The following USP5 variants were observed in gnomAD, a reference collection of about 807,000 sequenced individuals.
The protein encoded by USP5 is ubiquitin carboxyl-terminal hydrolase 5.
Under a neutral mutation model 102.5 loss-of-function variants are expected in USP5, and 24 were observed. That is an observed-to-expected ratio of 0.23 (90% confidence interval 0.17 to 0.33). USP5 has a LOEUF of 0.33. USP5 is among the 10% of genes least tolerant of loss of function. The pLI is 1.00. For missense variants in USP5, 753 were observed against 1,122.1 expected, an observed-to-expected ratio of 0.67 and a Z score of 4.70; for synonymous variants, 460 against 434.8, an observed-to-expected ratio of 1.06 and a Z score of -0.72.
rs376152044 is a variant in USP5, at chr12:6,857,726, G to A, written c.864+3G>A. 1.9e-6 allele frequency: 3 copies of A among 1,613,988 alleles called. No homozygotes were observed. In the African/African-American group the frequency reaches 4.0e-5, roughly 22 times the overall value. On this transcript the variant is annotated splice_donor_region_variant and intron_variant, in intron 7 of 19. Transcript: ENST00000229268. ...TCGACATGCTGAAGATGCAGAAGGT[G>A]AGACCCCCTTCAACTTCAGATTCTT...
In USP5 at chr12:6,863,521, C is replaced by T; in HGVS notation, c.1954+144C>T. The T allele has an allele frequency of 9.3e-7, 1 of 1,077,710 alleles. No homozygotes were observed. The highest frequency in any genetic ancestry group is 1.3e-6 in the Non-Finnish European group (1 of 753,950). 66.8% of individuals were successfully genotyped at this position (1,077,710 alleles called of 1,614,324 possible). A position where few individuals can be genotyped will look rare whatever the true frequency, so the allele number is the denominator to read the frequency against. On this transcript the variant is annotated intron_variant, in intron 15 of 19. Transcript: ENST00000229268. This position sits in a 1 kb window ranked among gnomAD's most constrained non-coding sequence, Gnocchi z 4.7. Reference sequence around the variant, plus strand: ...CTCTTTGATTGACATGGGGCCTCCCCAGCGCACTCCTAGCCACCTTCTGGG... The same window carrying T: ...CTCTTTGATTGACATGGGGCCTCCCTAGCGCACTCCTAGCCACCTTCTGGG...
intron 19 of USP5, 22 bp downstream of exon 19, chr12:6,865,270 T>G (rs1467963462): frequency 6.2e-7 from 1 of 1,603,738 alleles, no homozygotes; most frequent in African/African-American, 1.3e-5. Context: ...CCACATGCGT[T>G]TTGAATGGAG....
At chr12:6,854,189 G>A (rs1944039473) in intron 1 of USP5, among the ~76,000 whole-genome samples, 1 of 152,238 alleles carries the variant, frequency 6.6e-6, no homozygotes, top group South Asian at 2.1e-4. Flanking sequence ...ATCTCAGCAA[G>A]TGTTGCGAGA....
chr12:6,863,267 C>T lies in USP5; in HGVS notation c.1844C>T (p.Pro615Leu). ...TGLQPGEEEL[P>L]DIAPPLVTPD... is the part of the protein sequence containing the mutation. Reference sequence around the variant, plus strand: ...CTGCAGCCCGGAGAGGAGGAGCTGCCAGACATTGCCCCACCCCTGGTCACT... The same window carrying T: ...CTGCAGCCCGGAGAGGAGGAGCTGCTAGACATTGCCCCACCCCTGGTCACT... Residue 615 changes from proline (P) to leucine (L), a missense_variant, in exon 15 of 20, where the codon CCA (proline) becomes CTA (leucine). Physicochemically the swap from Pro to Leu is moderately conservative, Grantham distance 98. This residue lies in a region of USP5 where 527 missense variants were observed against 816.5 expected (regional missense o/e 0.65). Coordinates refer to ENST00000229268, the MANE Select transcript of USP5 (RefSeq NM_001098536.2). The surrounding 1 kb of genome is among the most constrained non-coding windows in gnomAD (Gnocchi z 4.7). The T allele has an allele frequency of 6.2e-7, 1 of 1,614,172 alleles. No homozygotes were observed. The highest frequency in any genetic ancestry group is 8.5e-7 in the Non-Finnish European group (1 of 1,180,030).
Position 6,861,128 on chromosome 12 carries a change from G to T in USP5, c.1498+22G>T. ...AAAGGTAGGCTGCTCCATCAGCAAG[G>T]CCGTGGCACGGTGGGAGGCTAAGGT... On this transcript the variant is annotated intron_variant, in intron 12 of 19. Transcript: ENST00000229268. This position sits in a 1 kb window ranked among gnomAD's most constrained non-coding sequence, Gnocchi z 4.9. The T allele has an allele frequency of 6.2e-7, 1 of 1,613,224 alleles. No homozygotes were observed. Among genetic ancestry groups the T allele is most frequent in the Non-Finnish European group, 8.5e-7 (1 of 1,179,492 alleles).
chr12:6,854,268 G>A lies in USP5; in HGVS notation c.112-1133G>A, dbSNP rs1242281611. Among the ~76,000 whole-genome samples, 5 of 152,270 alleles carry A rather than the reference G, an allele frequency of 3.3e-5. 1 individual carries two copies. The Middle Eastern group carries it at 0.01, about 311-fold the overall frequency. On this transcript the variant is annotated intron_variant, in intron 1 of 19. Transcript: ENST00000229268. ...GACTTCAGCAGGGATCTTATTGGTC[G>A]GAGGGGAGGCAGAGGAGAGAGGGTG...
Position 6,855,370 on chromosome 12 carries a change from C to A in USP5, c.112-31C>A. ...ACCTGACCAGGCTTCATAACATCCT[C>A]GTGTTTTCACCCTTACCTCTTGTCC... On this transcript the variant is annotated intron_variant, in intron 1 of 19. Transcript: ENST00000229268. This position sits in a 1 kb window ranked among gnomAD's most constrained non-coding sequence, Gnocchi z 4.6. 1 of 1,610,840 alleles carries A rather than the reference C, an allele frequency of 6.2e-7. No homozygotes were observed. Among genetic ancestry groups the A allele is most frequent in the Non-Finnish European group, 8.5e-7 (1 of 1,178,858 alleles).
In USP5 at chr12:6,853,360, G is replaced by T. The variant is rs144155137; in HGVS notation, c.111+1070G>T. On this transcript the variant is annotated intron_variant, in intron 1 of 19. Coordinates refer to ENST00000229268, the MANE Select transcript of USP5 (RefSeq NM_001098536.2). ...CAGTTCAGGATCATCACTGTGATTT[G>T]TGGTTTGCTTGGTTTGCTAGGCTTT... Among the ~76,000 whole-genome samples the T allele has an allele frequency of 5.1e-3, 783 of 152,384 alleles. 7 individuals are homozygous for T. Among genetic ancestry groups the T allele is most frequent in the African/African-American group, 0.018 (741 of 41,594 alleles).
intron 8 of USP5, 124 bp from the exon 9 acceptor site, chr12:6,859,346 C>T: frequency 1.1e-6 from 1 of 909,576 alleles, no homozygotes; most frequent in Non-Finnish European, 1.7e-6. Flanking sequence ...CTCCAAGGTT[C>T]ACCCACAGCA....
chr12:6,860,056 G>T lies in USP5; in HGVS notation c.1131-95G>T. ...TCTAAGGTTTTTCACGTTGTTGAGA[G>T]TTAGCTAGGGAGAGCCACGAGCAGG... On this transcript the variant is annotated intron_variant, in intron 9 of 19. Transcript: ENST00000229268. This position sits in a 1 kb window ranked among gnomAD's most constrained non-coding sequence, Gnocchi z 5.5. 1 of 1,362,658 alleles carries T rather than the reference G, an allele frequency of 7.3e-7. No individual in the cohort carries two copies. Among genetic ancestry groups the T allele is most frequent in the Non-Finnish European group, 1.0e-6 (1 of 975,322 alleles). 84.4% of individuals were successfully genotyped at this position (1,362,658 alleles called of 1,614,324 possible).
chr12:6,864,974 G>T lies in USP5; in HGVS notation c.2398+99G>T. Reference sequence around the variant, plus strand: ...CAGCTCTGCCCTCCTCAGGAGTCAGGGGCTTCTTTCCACCTCAACGTGGCA... The same window carrying T: ...CAGCTCTGCCCTCCTCAGGAGTCAGTGGCTTCTTTCCACCTCAACGTGGCA... On this transcript the variant is annotated intron_variant, in intron 18 of 19. Transcript: ENST00000229268. This position sits in a 1 kb window ranked among gnomAD's most constrained non-coding sequence, Gnocchi z 4.8. The T allele has an allele frequency of 6.7e-7, 1 of 1,498,072 alleles. No individual in the cohort carries two copies. The allele number at this position is 1,498,072 out of a possible 1,614,324, so 92.8% of individuals were successfully genotyped here.
At position 6,856,481 on chromosome 12, in the gene USP5, AC is replaced by A; in HGVS notation, c.584+36del. 1.3e-6 allele frequency: 2 copies of A among 1,585,544 alleles called. No homozygotes were observed. The highest frequency in any genetic ancestry group is 3.5e-5 in the Admixed American group (2 of 57,414). Reference sequence around the variant, plus strand: ...GCCTGGCCCCTCTGCCTCGGGCACCACCCCCAGAGCAAGGACAAGGAGCCCA... The same window carrying A: ...GCCTGGCCCCTCTGCCTCGGGCACCACCCCAGAGCAAGGACAAGGAGCCCA... On this transcript the variant is annotated intron_variant, in intron 5 of 19. Coordinates refer to ENST00000229268, the MANE Select transcript of USP5 (RefSeq NM_001098536.2). The surrounding 1 kb of genome is among the most constrained non-coding windows in gnomAD (Gnocchi z 5.6).
Position 6,861,428 on chromosome 12 carries a change from C to A in USP5, c.1499-15C>A. ...AGCACCCTCCGAAGGATCCACCAAC[C>A]CATTCTGTCACCAGAGGAGCTTCTG... On this transcript the variant is annotated splice_polypyrimidine_tract_variant and intron_variant, in intron 12 of 19. Transcript: ENST00000229268. This position sits in a 1 kb window ranked among gnomAD's most constrained non-coding sequence, Gnocchi z 4.9. The A allele has an allele frequency of 1.3e-6, 2 of 1,553,892 alleles. No individual in the cohort carries two copies. Among genetic ancestry groups the A allele is most frequent in the South Asian group, 1.2e-5 (1 of 84,338 alleles).
chr12:6,865,207 C>T lies in USP5; in HGVS notation c.2442C>T (p.Thr814=), dbSNP rs1555130551. The T allele has an allele frequency of 1.9e-6, 3 of 1,613,900 alleles. No individual in the cohort carries two copies. Among genetic ancestry groups the T allele is most frequent in the Non-Finnish European group, 2.5e-6 (3 of 1,179,900 alleles). Residue 814 remains threonine, a synonymous_variant, in exon 19 of 20, where the codon ACC becomes ACT. Coordinates refer to ENST00000229268, the MANE Select transcript of USP5 (RefSeq NM_001098536.2). ...TCATTAGTCACATGGGCACCTCTAC[C>T]ATGTGTGGTCACTACGTCTGCCACA... ...FAFISHMGTS[T]MCGHYVCHIK...
Position 6,858,644 on chromosome 12 carries a change from G to T in USP5, c.1058+27G>T. ...TGAGTAGTGCCCTCTCCTTCCCCAG[G>T]CCCCCTCCTGGTCAGCACCCTCTGG... On this transcript the variant is annotated intron_variant, in intron 8 of 19. Transcript: ENST00000229268. The surrounding 1 kb of genome is among the most constrained non-coding windows in gnomAD (Gnocchi z 4.2). The T allele has an allele frequency of 6.3e-7, 1 of 1,583,100 alleles. No homozygotes were observed.
Position 6,862,478 on chromosome 12 carries a change from G to T in USP5, c.1682G>T (p.Arg561Leu). The T allele has an allele frequency of 1.2e-6, 2 of 1,614,022 alleles. No individual in the cohort carries two copies. The highest frequency in any genetic ancestry group is 1.7e-6 in the Non-Finnish European group (2 of 1,179,930). ...CAGTCTCTCTTCCCTAGGACCACACGATTTGCCTCATTCCCTGACTACCTG... is the reference window on the plus strand; with the variant it reads ...CAGTCTCTCTTCCCTAGGACCACACTATTTGCCTCATTCCCTGACTACCTG... ...QAKSVAVKTT[R>L]FASFPDYLVI... is the part of the protein sequence containing the mutation. Residue 561 changes from arginine (R) to leucine (L), a missense_variant, in exon 14 of 20, where the codon CGA becomes CTA. By Grantham distance (102) the Arg-to-Leu change is moderately radical. Coordinates refer to ENST00000229268, the MANE Select transcript of USP5 (RefSeq NM_001098536.2).
In USP5 at chr12:6,856,475, G is replaced by A. The variant is rs868954069; in HGVS notation, c.584+25G>A. 6.3e-7 allele frequency: 1 copy of A among 1,591,012 alleles called. No homozygotes were observed. The highest frequency in any genetic ancestry group is 8.6e-7 in the Non-Finnish European group (1 of 1,167,588). The stretch of plus-strand genomic sequence containing the variant: ...GGTGAGGCCTGGCCCCTCTGCCTCG[G>A]GCACCACCCCCAGAGCAAGGACAAG... On this transcript the variant is annotated intron_variant, in intron 5 of 19. Coordinates refer to ENST00000229268, the MANE Select transcript of USP5 (RefSeq NM_001098536.2). The surrounding 1 kb of genome is among the most constrained non-coding windows in gnomAD (Gnocchi z 5.6).
chr12:6,861,348 G>C lies in USP5; in HGVS notation c.1499-95G>C. The stretch of plus-strand genomic sequence containing the variant: ...GTCAGGGGTGCTTTGGAAGGGTAGA[G>C]GAACTGAAATACGGACACAGAGCCA... On this transcript the variant is annotated intron_variant, in intron 12 of 19. Coordinates refer to ENST00000229268, the MANE Select transcript of USP5 (RefSeq NM_001098536.2). The surrounding 1 kb of genome is among the most constrained non-coding windows in gnomAD (Gnocchi z 4.9). 7.0e-7 allele frequency: 1 copy of C among 1,428,846 alleles called. No individual in the cohort carries two copies. Among genetic ancestry groups the C allele is most frequent in the South Asian group, 1.4e-5 (1 of 73,212 alleles). 88.5% of individuals were successfully genotyped at this position (1,428,846 alleles called of 1,614,324 possible). A position where few individuals can be genotyped will look rare whatever the true frequency, so the allele number is the denominator to read the frequency against.
rs554897845 is a variant in USP5, at chr12:6,859,494, C to T, written c.1083C>T (p.Ile361=). 1.9e-6 allele frequency: 3 copies of T among 1,614,210 alleles called. No homozygotes were observed. In the Admixed American group the frequency reaches 5.0e-5, roughly 27 times the overall value. The change falls in exon 9 of 20, where the codon ATC becomes ATT. Residue 361 remains isoleucine, a synonymous_variant. Coordinates refer to ENST00000229268, the MANE Select transcript of USP5 (RefSeq NM_001098536.2). ...GGTATGTGGATAAGCTGGAGAAGATCTTCCAGAATGCCCCGACGGACCCTA... is the reference window on the plus strand; with the variant it reads ...GGTATGTGGATAAGCTGGAGAAGATTTTCCAGAATGCCCCGACGGACCCTA... ...QRKYVDKLEK[I]FQNAPTDPTQ... is the part of the protein sequence containing the mutation.
Sources: allele counts gnomAD v4.1 joint callset (sites outside exome capture counted in the v4.1 genomes callset), GRCh38; gene constraint gnomAD v4.1.1; regional missense constraint gnomAD v4.1.1; non-coding constraint Gnocchi (gnomAD v3.1); transcripts MANE v1.5; gene names NCBI Gene and HGNC (gene_info 2026-07-23, HGNC 2026-07-21).